Variants in SAFB observed in about 807,000 individuals in gnomAD.
The protein encoded by SAFB is scaffold attachment factor B1.
SAFB carries 15 observed loss-of-function variants against 101.6 expected under a neutral mutation model. The ratio of observed to expected loss-of-function variants is 0.15; its 90% CI spans 0.10 to 0.23. The LOEUF is 0.23. SAFB is among the 10% of genes least tolerant of loss of function. SAFB has a pLI of 1.00. For synonymous variants in SAFB, 449 were observed against 407.5 expected (o/e 1.10, Z -1.23); for missense variants, 930 against 1,104.1 (o/e 0.84, Z 2.23).
At chr19:5,663,254 G>GC (rs1420382835) in intron 15 of SAFB, among the ~76,000 whole-genome samples, 15 of 152,114 alleles carry the variant, frequency 9.9e-5, no homozygotes, top group Non-Finnish European at 2.9e-5. Context: ...ACCCACCTTG[G>GC]CCTCCCAAAG....
chr19:5,667,840 G>C lies in SAFB; in HGVS notation c.2578G>C (p.Gly860Arg). The C allele has an allele frequency of 6.2e-7, 1 of 1,613,712 alleles. No individual in the cohort carries two copies. The highest frequency in any genetic ancestry group is 8.5e-7 in the Non-Finnish European group (1 of 1,179,768). Residue 860 changes from glycine (G) to arginine (R), a missense_variant, in exon 20 of 21, where the codon GGT (glycine) becomes CGT (arginine). Transcript: ENST00000588852. This position sits in a 1 kb window ranked among gnomAD's most constrained non-coding sequence, Gnocchi z 4.0. ...RWQGGERSMS[G>R]HSGPGHMMNR... ...TCCAGGTGGCGAGAGAAGCATGTCCGGTCACTCCGGGCCTGGCCACATGAT... is the reference window on the plus strand; with the variant it reads ...TCCAGGTGGCGAGAGAAGCATGTCCCGTCACTCCGGGCCTGGCCACATGAT...
intron 14 of SAFB, 49 bp downstream of exon 14, chr19:5,657,396 A>G: frequency 7.8e-7 from 1 of 1,290,078 alleles, no homozygotes; most frequent in East Asian, 2.3e-5. Context: ...GAATGTGGTC[A>G]TGACTGTCTT....
intron 2 of SAFB, 40 bp from the exon 3 acceptor site, chr19:5,641,554 G>T (rs370859188): frequency 7.1e-6 from 11 of 1,559,780 alleles, no homozygotes; most frequent in East Asian, 2.3e-5. Flanking sequence ...TGTAAAGTGC[G>T]TATCATTTGA....
chr19:5,627,735 G>A (rs561298941), intron 2 of SAFB, among the ~76,000 whole-genome samples: 33 of 152,156 alleles, frequency 2.2e-4, no homozygotes, highest in African/African-American at 8.0e-4. Context: ...CTGCCTTAGA[G>A]ACCTAGTTCC....
At chr19:5,650,943 A>T in intron 8 of SAFB, 35 bp from the exon 9 acceptor site, 1 of 1,271,484 alleles carries the variant, frequency 7.9e-7, no homozygotes, top group East Asian at 2.3e-5. Context: ...TCTTGTGGGT[A>T]TTTGGGTTTT....
In SAFB at chr19:5,657,292, G is replaced by A. The variant is rs143591207; in HGVS notation, c.1807G>A (p.Val603Met). ...AGCCAGCAGAGAGAAGCGGTCCGTC[G>A]TGTCCTTTGATAAGGTCAAGGAGCC... is the stretch of plus-strand genomic sequence containing the variant. ...KSASREKRSV[V>M]SFDKVKEPRK... The change falls in exon 14 of 21, where the codon GTG becomes ATG. Residue 603 changes from valine (V) to methionine (M), a missense_variant. Val to Met is a conservative substitution (Grantham distance 21, BLOSUM62 1). Coordinates refer to ENST00000588852, the MANE Select transcript of SAFB (RefSeq NM_001201338.2). 26 of 1,613,848 alleles carry A rather than the reference G, an allele frequency of 1.6e-5. No individual in the cohort carries two copies. The highest frequency in any genetic ancestry group is 1.2e-4 in the African/African-American group (9 of 74,908).
chr19:5,660,799 T>C (rs998274631), intron 14 of SAFB, among the ~76,000 whole-genome samples: 1 of 150,262 alleles, frequency 6.7e-6, no homozygotes, highest in African/African-American at 2.4e-5. Flanking sequence ...GTCATCTGTA[T>C]CCAAAAGATA....
intron 15 of SAFB, among the ~76,000 whole-genome samples, chr19:5,662,065 T>C (rs959494337): frequency 3.3e-5 from 5 of 152,062 alleles, no homozygotes; most frequent in Non-Finnish European, 5.9e-5. Context: ...TTTTGTATTT[T>C]CAGTAGAGAC....
At chr19:5,645,193 A>G (rs2485278) in intron 4 of SAFB, 144 bp from the exon 5 acceptor site, 35,854 of 538,734 alleles carry the variant, frequency 0.067, 1,408 homozygotes, top group South Asian at 0.11. Flanking sequence ...CAATTATACT[A>G]TAATAGTGTT....
chr19:5,633,839 G>A (rs1381560613), intron 2 of SAFB, among the ~76,000 whole-genome samples: 3 of 151,880 alleles, frequency 2.0e-5, no homozygotes, highest in African/African-American at 7.3e-5. Context: ...TCTGTAACTA[G>A]GATGTCAACT....
chr19:5,647,996 A>T lies in SAFB; in HGVS notation c.610-20A>T, dbSNP rs376800820. 20 of 1,609,358 alleles carry T rather than the reference A, an allele frequency of 1.2e-5. No individual in the cohort carries two copies. Among genetic ancestry groups the T allele is most frequent in the African/African-American group, 2.7e-5 (2 of 74,788 alleles). ...GGTGTCATTCATCTGGCACAGTCTT[A>T]TTTACGTTTTTTCTTGCAGGAAATT... On this transcript the variant is annotated intron_variant, in intron 5 of 20. Transcript: ENST00000588852.
intron 4 of SAFB, among the ~76,000 whole-genome samples, chr19:5,642,599 G>A (rs989766160): frequency 3.4e-5 from 5 of 148,592 alleles, no homozygotes; most frequent in African/African-American, 1.2e-4. Context: ...ATTATAGTGG[G>A]TAGTATTTCC....
rs530812286 is a variant in SAFB, at chr19:5,623,316, C to A, written c.111C>A (p.Ile37=). 1 of 1,613,920 alleles carries A rather than the reference C, an allele frequency of 6.2e-7. No homozygotes were observed. The change falls in exon 1 of 21, where the codon ATC becomes ATA. Residue 37 remains isoleucine (I), a synonymous_variant. Transcript: ENST00000588852. ...GTRRLSDLRV[I]DLRAELRKRN... is the part of the protein sequence containing the mutation. Reference sequence around the variant, plus strand: ...GGCGCCTCAGCGACCTGCGAGTGATCGATCTGCGGGCGGAGCTGAGGAAAC... The same window carrying A: ...GGCGCCTCAGCGACCTGCGAGTGATAGATCTGCGGGCGGAGCTGAGGAAAC...
chr19:5,657,593 G>A (rs1441264614), intron 14 of SAFB, among the ~76,000 whole-genome samples: 2 of 152,104 alleles, frequency 1.3e-5, no homozygotes, highest in African/African-American at 4.8e-5. Flanking sequence ...GTGCAGTGGC[G>A]TGACCTCGGC....
chr19:5,658,037 G>T (rs1169735066), intron 14 of SAFB, among the ~76,000 whole-genome samples: 1 of 151,762 alleles, frequency 6.6e-6, no homozygotes, highest in East Asian at 2.0e-4. Flanking sequence ...AGTCTGTGTC[G>T]CCCAGGGTGG....
intron 1 of SAFB, among the ~76,000 whole-genome samples, chr19:5,625,022 A>G (rs1177242829): frequency 6.6e-6 from 1 of 152,018 alleles, no homozygotes; most frequent in Non-Finnish European, 1.5e-5. Flanking sequence ...GGTGACTGAG[A>G]CTTCCCATCA....
At chr19:5,662,939 G>T (rs2054248768) in intron 15 of SAFB, among the ~76,000 whole-genome samples, 1 of 151,398 alleles carries the variant, frequency 6.6e-6, no homozygotes, top group South Asian at 2.1e-4. Context: ...ACCACCCCCG[G>T]CCTTGTCCTG....
chr19:5,645,618 C>A (rs1051869325), intron 5 of SAFB, among the ~76,000 whole-genome samples: 2 of 152,208 alleles, frequency 1.3e-5, no homozygotes, highest in African/African-American at 4.8e-5. Context: ...GGCCTCCAAG[C>A]GCTGTGGCTT....
intron 2 of SAFB, among the ~76,000 whole-genome samples, chr19:5,628,162 A>G (rs766207333): frequency 9.9e-5 from 15 of 152,056 alleles, no homozygotes; most frequent in Middle Eastern, 6.8e-3. Flanking sequence ...GAGGCAGGAG[A>G]ATTGCCTGAA....
Sources: allele counts gnomAD v4.1 joint callset (sites outside exome capture counted in the v4.1 genomes callset), GRCh38; gene constraint gnomAD v4.1.1; non-coding constraint Gnocchi (gnomAD v3.1); transcripts MANE v1.5; gene names NCBI Gene and HGNC (gene_info 2026-07-23, HGNC 2026-07-21).